Variants in CPAMD8 observed in about 807,000 individuals in gnomAD.
CPAMD8 encodes C3 and PZP-like alpha-2-macroglobulin domain-containing protein 8.
In CPAMD8, 146 loss-of-function variants were observed where a neutral mutation model predicts 224.7. The observed-to-expected ratio is 0.65, with a 90% CI of 0.57 to 0.75. The LOEUF is 0.75. Among genes scored for constraint, CPAMD8 ranks in the 30% least tolerant of loss-of-function variants. The probability of loss-of-function intolerance (pLI) is 0.00; values close to 1 mark genes in which losing one functional copy is unlikely to be tolerated. For synonymous variants in CPAMD8, 966 were observed against 1,044.6 expected, an observed-to-expected ratio of 0.92 and a Z score of 1.45; for missense variants, 2,301 against 2,537.5, an observed-to-expected ratio of 0.91 and a Z score of 2.00.
intron 13 of CPAMD8, among the ~76,000 whole-genome samples, chr19:16,987,449 C>A (rs1028963570): frequency 6.6e-6 from 1 of 151,692 alleles, no homozygotes; most frequent in African/African-American, 2.4e-5. Context: ...TGATCCATTC[C>A]CACTTCACGA....
Position 16,897,751 on chromosome 19 carries a change from G to A in CPAMD8, c.5005C>T (p.Arg1669Trp). 6.3e-7 allele frequency: 1 copy of A among 1,581,356 alleles called. No individual in the cohort carries two copies. The highest frequency in any genetic ancestry group is 1.3e-5 in the African/African-American group (1 of 74,302). The change falls in exon 39 of 42, where the codon CGG (arginine) becomes TGG (tryptophan). Residue 1669 changes from arginine to tryptophan, a missense_variant. By Grantham distance (101) the Arg-to-Trp change is moderately radical. Coordinates refer to ENST00000443236, the MANE Select transcript of CPAMD8 (RefSeq NM_015692.5). ...YNVSTHSPLARELCAGPACNE... is the reference protein window; with the variant it reads ...YNVSTHSPLAWELCAGPACNE... ...CACGCGGGTCCGGCGCACAGTTCCC[G>A]GGCGAGTGGGCTGTGGGTGCTGACG... is the stretch of plus-strand genomic sequence containing the variant.
intron 13 of CPAMD8, among the ~76,000 whole-genome samples, chr19:16,987,281 A>G (rs1473916176): frequency 3.4e-5 from 5 of 147,900 alleles, no homozygotes; most frequent in Non-Finnish European, 5.9e-5. Flanking sequence ...ACATATATAC[A>G]GTTGACCCTT....
chr19:16,908,364 A>G (rs2052602927), intron 29 of CPAMD8, among the ~76,000 whole-genome samples: 1 of 286 alleles, frequency 3.5e-3, no homozygotes, highest in Non-Finnish European at 0.012. Flanking sequence ...CCTCATCTTA[A>G]AAAAAAAAAA....
chr19:16,902,605 G>A, intron 35 of CPAMD8, 44 bp downstream of exon 35: 2 of 1,292,592 alleles, frequency 1.5e-6, no homozygotes, highest in Non-Finnish European at 2.2e-6. Context: ...TCCGCACATT[G>A]CACCCTCCTG....
intron 3 of CPAMD8, 92 bp from the exon 4 acceptor site, chr19:17,011,849 A>C: frequency 2.8e-6 from 4 of 1,417,420 alleles, no homozygotes; most frequent in Non-Finnish European, 3.8e-6. Flanking sequence ...GAACAGGGGG[A>C]ACTCACCCCA....
intron 22 of CPAMD8, among the ~76,000 whole-genome samples, chr19:16,943,574 T>G (rs2053976218): frequency 6.6e-6 from 1 of 152,130 alleles, no homozygotes; most frequent in Non-Finnish European, 1.5e-5. Context: ...AGCCCTTCAC[T>G]CCATTTCACA....
chr19:17,024,077 A>G (rs752621275), intron 1 of CPAMD8, among the ~76,000 whole-genome samples: 1 of 152,224 alleles, frequency 6.6e-6, no homozygotes, highest in Admixed American at 6.5e-5. Flanking sequence ...TTTCTTGAGT[A>G]AGATACCAAA....
At chr19:16,893,395 C>T (rs984079216) in intron 41 of CPAMD8, 56 bp from the exon 42 acceptor site, 13 of 1,255,342 alleles carry the variant, frequency 1.0e-5, no homozygotes, top group South Asian at 4.3e-5. Context: ...CACGGGGCCT[C>T]GGGCTGAGGA....
At chr19:16,998,558 G>A (rs977012260) in intron 10 of CPAMD8, among the ~76,000 whole-genome samples, 3 of 152,200 alleles carry the variant, frequency 2.0e-5, no homozygotes, top group African/African-American at 7.2e-5. Flanking sequence ...GAAAGGGACT[G>A]AGAAGGAGCT....
At chr19:16,936,480 G>A (rs2053687018) in intron 23 of CPAMD8, among the ~76,000 whole-genome samples, 1 of 151,960 alleles carries the variant, frequency 6.6e-6, no homozygotes, top group Non-Finnish European at 1.5e-5. Context: ...TTGGCTCACT[G>A]CAACCTCTGC....
intron 30 of CPAMD8, among the ~76,000 whole-genome samples, chr19:16,906,428 TTCCTTCC>T (rs377249382): frequency 6.8e-6 from 1 of 148,074 alleles, no homozygotes; most frequent in Non-Finnish European, 1.5e-5. Flanking sequence ...CCTTCCTTCC[TTCCTTCC>T]TTCTTTTCTT....
intron 27 of CPAMD8, among the ~76,000 whole-genome samples, chr19:16,921,291 G>A (rs976041763): frequency 5.9e-5 from 9 of 152,108 alleles, no homozygotes; most frequent in African/African-American, 1.9e-4. Flanking sequence ...GCACTACCAG[G>A]GTGGCAATCT....
intron 18 of CPAMD8, among the ~76,000 whole-genome samples, chr19:16,965,756 A>G (rs1405662388): frequency 6.6e-6 from 1 of 152,212 alleles, no homozygotes; most frequent in Non-Finnish European, 1.5e-5. Flanking sequence ...CTACAAAGAT[A>G]ATAAAATACC....
At chr19:16,982,498 T>C (rs1157544031) in intron 13 of CPAMD8, among the ~76,000 whole-genome samples, 1 of 152,088 alleles carries the variant, frequency 6.6e-6, no homozygotes, top group African/African-American at 2.4e-5. Flanking sequence ...AAGCTGGGCC[T>C]AAGGGACTCC....
chr19:16,896,060 G>A (rs1372494723), intron 41 of CPAMD8, 116 bp downstream of exon 41: 4 of 1,161,650 alleles, frequency 3.4e-6, no homozygotes, highest in Admixed American at 1.7e-5. Context: ...CTGCCAGTGG[G>A]GGGTCGGGGC....
intron 17 of CPAMD8, among the ~76,000 whole-genome samples, chr19:16,971,513 G>A (rs903373643): frequency 1.3e-5 from 2 of 152,118 alleles, no homozygotes; most frequent in Non-Finnish European, 2.9e-5. Flanking sequence ...GTATGATTCC[G>A]TTGAGATGAA....
intron 36 of CPAMD8, among the ~76,000 whole-genome samples, chr19:16,900,335 C>T (rs1162561634): frequency 6.6e-6 from 1 of 152,124 alleles, no homozygotes; most frequent in Non-Finnish European, 1.5e-5. Context: ...CTGTGGCTCA[C>T]ATCTGTAATC....
rs1236174368 is a variant in CPAMD8 at position 16,896,591 on chromosome 19, G to A, written c.5140C>T (p.His1714Tyr). Residue 1714 changes from histidine (H) to tyrosine (Y), a missense_variant, in exon 40 of 42, where the codon CAC (histidine) becomes TAC (tyrosine). Physicochemically the swap from His to Tyr is moderately conservative, Grantham distance 83 (BLOSUM62 2). This residue lies in a region of CPAMD8 where 1,709 missense variants were observed against 1,753.2 expected (regional missense o/e 0.97). Transcript: ENST00000443236. The stretch of plus-strand genomic sequence containing the variant: ...GGGTTCCCCTGGGCGCCGCAGTCGT[G>A]GTCGCAGCCGCATCGCGCGATCGCC... ...GAAIARCGCD[H>Y]DCGAQGNPVC... 1.3e-6 allele frequency: 2 copies of A among 1,511,056 alleles called. No homozygotes were observed. Among genetic ancestry groups the A allele is most frequent in the East Asian group, 2.6e-5 (1 of 38,416 alleles). The allele number at this position is 1,511,056 out of a possible 1,614,324, so 93.6% of individuals were successfully genotyped here.
At position 16,971,006 on chromosome 19, in the gene CPAMD8, G is replaced by A. The variant is rs761696140; in HGVS notation, c.2098C>T (p.Arg700Ter). The A allele has an allele frequency of 3.7e-6, 6 of 1,610,900 alleles. No individual in the cohort carries two copies. The highest frequency in any genetic ancestry group is 2.7e-5 in the African/African-American group (2 of 74,744). ...TETGLVVMTD[R>*]VSLNHRQDGG... is the part of the protein sequence containing the mutation. ...TCCTGCCGGTGGTTCAGGCTCACTC[G>A]GTCGGTCATCACCACCAGTCCCGTT... Residue 700 changes from arginine to a stop codon, truncating the protein, a stop_gained, in exon 18 of 42, where the codon CGA becomes TGA. Transcript: ENST00000443236. LOFTEE classifies it high-confidence loss of function.
Sources: allele counts gnomAD v4.1 joint callset (sites outside exome capture counted in the v4.1 genomes callset), GRCh38; gene constraint gnomAD v4.1.1; regional missense constraint gnomAD v4.1.1; transcripts MANE v1.5; gene names NCBI Gene and HGNC (gene_info 2026-07-23, HGNC 2026-07-21).